Variants in TMEM132C observed in about 807,000 individuals in gnomAD.
TMEM132C encodes the protein protein phosphatase 1, regulatory subunit 152.
In TMEM132C, 29 loss-of-function variants were observed where a neutral mutation model predicts 61.4. The observed-to-expected ratio is 0.47, with a 90% CI of 0.35 to 0.64. TMEM132C has a LOEUF of 0.64. Among genes scored for constraint, TMEM132C ranks in the 30% least tolerant of loss-of-function variants. The pLI, the probability that TMEM132C is intolerant of heterozygous loss-of-function variation, is 0.00. For synonymous variants in TMEM132C, 656 were observed against 633.1 expected (o/e 1.04, Z -0.54); for missense variants, 1,408 against 1,476.9 (o/e 0.95, Z 0.76).
rs1200123105 is a variant in TMEM132C, at chr12:128,267,211, G to GAGCCGC, written c.-191_-186dup. On this transcript the variant is annotated 5_prime_UTR_variant, in exon 1 of 9. Coordinates refer to ENST00000435159, the MANE Select transcript of TMEM132C (RefSeq NM_001136103.3). Reference sequence around the variant, plus strand: ...CGGAGCGCGAGCAGCGGCGGAGCCGGAGCCGCCAGAGCCAGAGCCGGAGCT... The same window carrying GAGCCGC: ...CGGAGCGCGAGCAGCGGCGGAGCCGGAGCCGCAGCCGCCAGAGCCAGAGCCGGAGCT... 6.8e-6 allele frequency among the ~76,000 whole-genome samples: 1 copy of GAGCCGC among 147,016 alleles called. No individual in the cohort carries two copies. The highest frequency in any genetic ancestry group is 2.4e-5 in the African/African-American group (1 of 40,896).
chr12:128,690,786 TCCCAACTGCTCCCTGCCACTGTC>T (rs920444016), intron 5 of TMEM132C, among the ~76,000 whole-genome samples: 10 of 152,038 alleles, frequency 6.6e-5, no homozygotes, highest in African/African-American at 2.2e-4. Context: ...TGTGTTCCCA[TCCCAACTGCTCCCTGCCACTGTC>T]CCCAACTGCT....
At chr12:128,514,938 T>A (rs1593081777) in intron 2 of TMEM132C, among the ~76,000 whole-genome samples, 1 of 152,198 alleles carries the variant, frequency 6.6e-6, no homozygotes, top group South Asian at 2.1e-4. Context: ...TGATCCTGAG[T>A]CCCCGAACAA....
At chr12:128,484,074 A>T (rs1286151613) in intron 2 of TMEM132C, among the ~76,000 whole-genome samples, 1 of 152,222 alleles carries the variant, frequency 6.6e-6, no homozygotes, top group South Asian at 2.1e-4. Context: ...CATTTGCACC[A>T]TGGAAACTAG....
chr12:128,373,514 A>G (rs1874091368), intron 1 of TMEM132C, among the ~76,000 whole-genome samples: 1 of 152,184 alleles, frequency 6.6e-6, no homozygotes, highest in South Asian at 2.1e-4. Flanking sequence ...GGTAAGAGCT[A>G]GTAATGTTTG....
intron 3 of TMEM132C, among the ~76,000 whole-genome samples, chr12:128,600,012 T>C (rs545420245): frequency 6.6e-6 from 1 of 152,188 alleles, no homozygotes; most frequent in Admixed American, 6.5e-5. Flanking sequence ...TGAGACAGAG[T>C]CTGGCTGTCA....
intron 4 of TMEM132C, among the ~76,000 whole-genome samples, chr12:128,652,431 A>C (rs994888814): frequency 6.6e-6 from 1 of 152,208 alleles, no homozygotes; most frequent in Non-Finnish European, 1.5e-5. Context: ...TGTGCTAATA[A>C]AGGGTCAGCG....
intron 1 of TMEM132C, among the ~76,000 whole-genome samples, chr12:128,292,841 G>C (rs1367182277): frequency 6.6e-6 from 1 of 152,196 alleles, no homozygotes; most frequent in Non-Finnish European, 1.5e-5. Flanking sequence ...TTGATAGACT[G>C]TTGCTGTCAG....
chr12:128,327,493 C>T (rs1872558902), intron 1 of TMEM132C, among the ~76,000 whole-genome samples: 1 of 140,674 alleles, frequency 7.1e-6, no homozygotes, highest in Non-Finnish European at 1.5e-5. Context: ...CACCATTCTC[C>T]TGCCTCAACC....
At chr12:128,686,144 A>G (rs1215999889) in intron 5 of TMEM132C, among the ~76,000 whole-genome samples, 4 of 151,560 alleles carry the variant, frequency 2.6e-5, no homozygotes, top group African/African-American at 9.7e-5. Flanking sequence ...GTGTGTGCAT[A>G]TGTGTGTATG....
intron 5 of TMEM132C, among the ~76,000 whole-genome samples, chr12:128,681,763 C>T (rs1305944766): frequency 6.6e-6 from 1 of 150,406 alleles, no homozygotes; most frequent in Non-Finnish European, 1.5e-5. Context: ...AAGTGATTCT[C>T]CTGCCTCAGC....
chr12:128,543,979 A>C lies in TMEM132C; in HGVS notation c.997A>C (p.Asn333His). ...ILRAKVKKGV[N>H]ILSAQTREPR... The stretch of plus-strand genomic sequence containing the variant: ...CAGAGCCAAGGTGAAGAAGGGGGTG[A>C]ACATCCTGAGTGCTCAGACCCGTGA... Residue 333 changes from asparagine to histidine, a missense_variant, in exon 3 of 9, where the codon AAC (asparagine) becomes CAC (histidine). Coordinates refer to ENST00000435159, the MANE Select transcript of TMEM132C (RefSeq NM_001136103.3). The C allele has an allele frequency of 6.5e-7, 1 of 1,547,494 alleles. No homozygotes were observed. Among genetic ancestry groups the C allele is most frequent in the Non-Finnish European group, 8.7e-7 (1 of 1,145,236 alleles).
chr12:128,533,008 G>A (rs577072361), intron 2 of TMEM132C, among the ~76,000 whole-genome samples: 1 of 151,898 alleles, frequency 6.6e-6, no homozygotes. Context: ...TAGGGCTGCT[G>A]TCAGGTCAGT....
intron 1 of TMEM132C, among the ~76,000 whole-genome samples, chr12:128,388,114 A>T (rs1874644560): frequency 6.6e-6 from 1 of 152,234 alleles, no homozygotes; most frequent in African/African-American, 2.4e-5. Flanking sequence ...AGCCCAGGAA[A>T]AGCGTCTGGG....
Position 128,705,483 on chromosome 12 carries a change from C to T in TMEM132C, c.2515C>T (p.His839Tyr). The change falls in exon 9 of 9, where the codon CAC (histidine) becomes TAC (tyrosine). Residue 839 changes from histidine to tyrosine, a missense_variant. Transcript: ENST00000435159. Reference protein sequence around the residue: ...QHHERTGQDGHLYGSSPVERE... With the variant: ...QHHERTGQDGYLYGSSPVERE... ...CCATGAGCGCACAGGCCAAGATGGG[C>T]ACCTCTATGGCAGCTCTCCCGTGGA... is the stretch of plus-strand genomic sequence containing the variant. 1 of 1,551,172 alleles carries T rather than the reference C, an allele frequency of 6.4e-7. No individual in the cohort carries two copies. The highest frequency in any genetic ancestry group is 8.7e-7 in the Non-Finnish European group (1 of 1,146,888).
At chr12:128,292,266 T>C (rs1028078008) in intron 1 of TMEM132C, among the ~76,000 whole-genome samples, 13 of 152,192 alleles carry the variant, frequency 8.5e-5, no homozygotes, top group Admixed American at 7.9e-4. Flanking sequence ...TCAAACAGAA[T>C]GAAAGGCAAA....
intron 1 of TMEM132C, among the ~76,000 whole-genome samples, chr12:128,407,976 T>C (rs1052824164): frequency 6.6e-6 from 1 of 152,094 alleles, no homozygotes; most frequent in Non-Finnish European, 1.5e-5. Flanking sequence ...CTCTCCTCTT[T>C]ATGGAAAGTG....
At chr12:128,465,054 C>T (rs563031156) in intron 2 of TMEM132C, among the ~76,000 whole-genome samples, 21 of 152,210 alleles carry the variant, frequency 1.4e-4, no homozygotes, top group South Asian at 2.1e-4. Flanking sequence ...TCTGCAATCA[C>T]GTCCCTTGAG....
intron 1 of TMEM132C, among the ~76,000 whole-genome samples, chr12:128,405,510 T>C (rs1260145507): frequency 6.6e-6 from 1 of 152,186 alleles, no homozygotes; most frequent in African/African-American, 2.4e-5. Flanking sequence ...ATTCTGAGTC[T>C]ATCTAAGAGA....
intron 2 of TMEM132C, among the ~76,000 whole-genome samples, chr12:128,515,698 G>C (rs1872695659): frequency 6.6e-6 from 1 of 152,298 alleles, no homozygotes; most frequent in East Asian, 1.9e-4. Flanking sequence ...AGCTGGGCAT[G>C]GTGGCGGGTG....
Sources: allele counts gnomAD v4.1 joint callset (sites outside exome capture counted in the v4.1 genomes callset), GRCh38; gene constraint gnomAD v4.1.1; transcripts MANE v1.5; gene names NCBI Gene and HGNC (gene_info 2026-07-23, HGNC 2026-07-21).